MOB3B: variants seen among roughly 807,000 people sequenced by gnomAD.
The protein encoded by MOB3B is MOB kinase activator 3B.
MOB3B carries 7 observed loss-of-function variants against 18.7 expected under a neutral mutation model. That is an observed-to-expected ratio of 0.37 (90% CI 0.21 to 0.70). MOB3B has a LOEUF of 0.70. MOB3B is among the 30% of genes least tolerant of loss of function. The pLI is 0.52. For missense variants in MOB3B, 253 were observed against 281.3 expected (o/e 0.90, Z 0.72); for synonymous variants, 111 against 99.9 (o/e 1.11, Z -0.66).
intron 2 of MOB3B, among the ~76,000 whole-genome samples, chr9:27,408,665 A>G (rs10967928): frequency 0.055 from 8,309 of 152,150 alleles, 412 homozygotes; most frequent in African/African-American, 0.14. Flanking sequence ...CACTGTGCCT[A>G]TTCTGCTTAA....
At chr9:27,377,277 C>T (rs1821502758) in intron 2 of MOB3B, among the ~76,000 whole-genome samples, 1 of 152,174 alleles carries the variant, frequency 6.6e-6, no homozygotes, top group South Asian at 2.1e-4. Context: ...TGTTTGTTTC[C>T]TAACTCTTTT....
intron 2 of MOB3B, among the ~76,000 whole-genome samples, chr9:27,434,130 T>C (rs539517843): frequency 5.3e-5 from 8 of 152,296 alleles, no homozygotes; most frequent in African/African-American, 1.7e-4. Flanking sequence ...GAATCAGAGA[T>C]GTTGATTAGA....
chr9:27,469,786 T>G (rs147424160), intron 1 of MOB3B, among the ~76,000 whole-genome samples: 15 of 152,058 alleles, frequency 9.9e-5, no homozygotes, highest in Non-Finnish European at 1.6e-4. Flanking sequence ...CCTTCAAAAC[T>G]TCCCCCCTCC....
At chr9:27,459,079 C>T (rs866972208) in intron 1 of MOB3B, among the ~76,000 whole-genome samples, 17 of 151,850 alleles carry the variant, frequency 1.1e-4, no homozygotes, top group Admixed American at 5.9e-4. Context: ...TGCCACTGAA[C>T]GACAGAACAA....
chr9:27,368,243 AT>A (rs1482049141), intron 2 of MOB3B, among the ~76,000 whole-genome samples: 1 of 151,956 alleles, frequency 6.6e-6, no homozygotes, highest in East Asian at 1.9e-4. Context: ...AATAATATAT[AT>A]CCTCCTCCTC....
At chr9:27,407,746 A>G (rs1331564001) in intron 2 of MOB3B, among the ~76,000 whole-genome samples, 6 of 152,170 alleles carry the variant, frequency 3.9e-5, no homozygotes, top group Non-Finnish European at 8.8e-5. Context: ...AGGAGAGGCT[A>G]TCTGGGCACT....
At chr9:27,453,441 C>T (rs1360973795) in intron 2 of MOB3B, among the ~76,000 whole-genome samples, 1 of 152,116 alleles carries the variant, frequency 6.6e-6, no homozygotes, top group Non-Finnish European at 1.5e-5. Context: ...AAGAAAATGT[C>T]TAGAAAAATA....
intron 2 of MOB3B, among the ~76,000 whole-genome samples, chr9:27,437,480 T>C (rs1324883734): frequency 6.6e-6 from 1 of 152,218 alleles, no homozygotes; most frequent in Admixed American, 6.5e-5. Context: ...CAAGGGGCCA[T>C]AGCTCTGTTA....
intron 1 of MOB3B, among the ~76,000 whole-genome samples, chr9:27,458,518 T>G (rs948701793): frequency 4.5e-5 from 3 of 66,992 alleles, no homozygotes; most frequent in Non-Finnish European, 9.1e-5. Context: ...TGAAGATATG[T>G]TTTTTTTTTT....
chr9:27,399,393 T>C (rs754620152), intron 2 of MOB3B, among the ~76,000 whole-genome samples: 8 of 152,098 alleles, frequency 5.3e-5, no homozygotes, highest in Non-Finnish European at 1.0e-4. Context: ...CAGGTGGAAA[T>C]GCAAAAGCCA....
At chr9:27,477,713 A>T (rs141276487) in intron 1 of MOB3B, among the ~76,000 whole-genome samples, 3 of 152,382 alleles carry the variant, frequency 2.0e-5, no homozygotes, top group African/African-American at 7.2e-5. Flanking sequence ...CCTGTAAGAC[A>T]TAACTGTTCT....
chr9:27,424,429 A>G lies in MOB3B; in HGVS notation c.418+30704T>C, dbSNP rs1243245819. 2.0e-5 allele frequency among the ~76,000 whole-genome samples: 3 copies of G among 152,244 alleles called. No individual in the cohort carries two copies. In the East Asian group the frequency reaches 5.8e-4, roughly 29 times the overall value. On this transcript the variant is annotated intron_variant, in intron 2 of 3. Transcript: ENST00000262244. ...ATACACAGGAACAGGGCAGGTCCCC[A>G]GTGAGTCATTTCAGAGCAATTGCTT...
chr9:27,331,310 AT>A (rs1410800460), intron 3 of MOB3B, among the ~76,000 whole-genome samples: 1 of 151,908 alleles, frequency 6.6e-6, no homozygotes, highest in Non-Finnish European at 1.5e-5. Context: ...GCCCCTCTTC[AT>A]TTGTCAAATT....
chr9:27,341,004 T>A (rs1820932703), intron 3 of MOB3B, among the ~76,000 whole-genome samples: 1 of 152,204 alleles, frequency 6.6e-6, no homozygotes, highest in Admixed American at 6.5e-5. Context: ...ATGAAACAGA[T>A]TTCAGCATGG....
intron 2 of MOB3B, among the ~76,000 whole-genome samples, chr9:27,439,614 T>G (rs1165663599): frequency 6.6e-6 from 1 of 152,206 alleles, no homozygotes; most frequent in Admixed American, 6.5e-5. Flanking sequence ...ATGCAGGATT[T>G]CTTCTGCAGG....
chr9:27,351,646 C>A (rs1206648742), intron 3 of MOB3B, among the ~76,000 whole-genome samples: 1 of 152,226 alleles, frequency 6.6e-6, no homozygotes, highest in East Asian at 1.9e-4. Context: ...CCCACAATGG[C>A]TCTTCATTGC....
intron 1 of MOB3B, among the ~76,000 whole-genome samples, chr9:27,474,084 C>T (rs533836324): frequency 6.6e-6 from 1 of 152,150 alleles, no homozygotes; most frequent in African/African-American, 2.4e-5. Context: ...TTATAAGCCA[C>T]CCAGTCTAAG....
At chr9:27,437,015 G>T (rs928536054) in intron 2 of MOB3B, among the ~76,000 whole-genome samples, 16 of 150,828 alleles carry the variant, frequency 1.1e-4, no homozygotes, top group African/African-American at 3.4e-4. Flanking sequence ...ACCTGGGGGT[G>T]GGGGGAGTGT....
intron 1 of MOB3B, among the ~76,000 whole-genome samples, chr9:27,492,304 A>C (rs2253272): frequency 0.93 from 141,961 of 152,226 alleles, 66,788 homozygotes; most frequent in East Asian, 1. Context: ...AAATGTCACA[A>C]TTTTCCTTTA....
Sources: allele counts gnomAD v4.1 joint callset (sites outside exome capture counted in the v4.1 genomes callset), GRCh38; gene constraint gnomAD v4.1.1; transcripts MANE v1.5; gene names NCBI Gene and HGNC (gene_info 2026-07-23, HGNC 2026-07-21).